The following MTHFD2L variants were observed in gnomAD, a reference collection of about 807,000 sequenced individuals.
The protein encoded by MTHFD2L is methylenetetrahydrofolate dehydrogenase (NADP+ dependent) 2 like, also known as bifunctional methylenetetrahydrofolate dehydrogenase/cyclohydrolase 2, mitochondrial.
MTHFD2L carries 29 observed loss-of-function variants against 34.9 expected under a neutral mutation model. The ratio of observed to expected loss-of-function variants is 0.83; its 90% CI spans 0.62 to 1.13. The LOEUF (loss-of-function observed/expected upper bound fraction) is 1.13, where lower values mean the gene tolerates loss of function less well. Ranked by LOEUF, MTHFD2L falls within the 50% of genes most tolerant of loss-of-function variation. The pLI, the probability that MTHFD2L is intolerant of heterozygous loss-of-function variation, is 0.00. For missense variants in MTHFD2L, 481 were observed against 446.5 expected (o/e 1.08, Z -0.70); for synonymous variants, 167 against 155.7 (o/e 1.07, Z -0.54).
intron 1 of MTHFD2L, among the ~76,000 whole-genome samples, chr4:74,140,117 A>G (rs531629773): frequency 6.6e-6 from 1 of 152,096 alleles, no homozygotes; most frequent in Admixed American, 6.6e-5. Flanking sequence ...GGAGTTTGAG[A>G]CCAGCCTGGG....
intron 1 of MTHFD2L, among the ~76,000 whole-genome samples, chr4:74,134,228 C>G (rs532944715): frequency 4.1e-4 from 63 of 152,214 alleles, no homozygotes; most frequent in African/African-American, 1.4e-3. Flanking sequence ...CCAGGACTAC[C>G]ATCCTCAGCC....
At chr4:74,176,165 A>T (rs1295755817) in intron 3 of MTHFD2L, among the ~76,000 whole-genome samples, 2 of 151,982 alleles carry the variant, frequency 1.3e-5, no homozygotes, top group Non-Finnish European at 1.5e-5. Flanking sequence ...CGTTTGTGTG[A>T]TGGATTCACC....
At chr4:74,225,065 G>A (rs747247812) in intron 5 of MTHFD2L, among the ~76,000 whole-genome samples, 5 of 152,122 alleles carry the variant, frequency 3.3e-5, no homozygotes, top group Non-Finnish European at 5.9e-5. Context: ...TAGCTCTCCT[G>A]TGATGATCGG....
intron 1 of MTHFD2L, among the ~76,000 whole-genome samples, chr4:74,138,581 C>G (rs1352392466): frequency 6.6e-6 from 1 of 152,098 alleles, no homozygotes; most frequent in Non-Finnish European, 1.5e-5. Flanking sequence ...AGCCTTTAGC[C>G]CGATCCAGAG....
At chr4:74,173,984 C>T (rs1728531064) in intron 1 of MTHFD2L, among the ~76,000 whole-genome samples, 1 of 152,128 alleles carries the variant, frequency 6.6e-6, no homozygotes. Context: ...TATACAAAAA[C>T]AAATGAATTT....
At chr4:74,194,538 C>A (rs1487228301) in intron 3 of MTHFD2L, 2 of 152,154 alleles carry the variant, frequency 1.3e-5, no homozygotes, top group African/African-American at 2.4e-5. Flanking sequence ...ATATAAGCTA[C>A]TTCACAATCA....
At chr4:74,135,866 G>A (rs1479508615) in intron 1 of MTHFD2L, among the ~76,000 whole-genome samples, 1 of 152,056 alleles carries the variant, frequency 6.6e-6, no homozygotes, top group Non-Finnish European at 1.5e-5. Flanking sequence ...AATCGAGAAT[G>A]AGAATCATAT....
chr4:74,206,277 G>C (rs990582398), intron 5 of MTHFD2L, among the ~76,000 whole-genome samples: 1 of 152,144 alleles, frequency 6.6e-6, no homozygotes, highest in Non-Finnish European at 1.5e-5. Context: ...GTAAATGTCT[G>C]TGTGTCTTGT....
intron 1 of MTHFD2L, among the ~76,000 whole-genome samples, chr4:74,130,095 T>C (rs1415706709): frequency 2.0e-5 from 3 of 152,144 alleles, no homozygotes; most frequent in African/African-American, 7.2e-5. Context: ...CAGTAATTAA[T>C]AGCCTACCAA....
At chr4:74,229,293 A>G (rs1006092501) in intron 6 of MTHFD2L, among the ~76,000 whole-genome samples, 1 of 152,204 alleles carries the variant, frequency 6.6e-6, no homozygotes, top group Non-Finnish European at 1.5e-5. Context: ...TAACCAGACA[A>G]TAGGAATAAA....
chr4:74,148,286 C>A (rs1455891972), intron 1 of MTHFD2L, among the ~76,000 whole-genome samples: 2 of 149,072 alleles, frequency 1.3e-5, no homozygotes. Flanking sequence ...CAACATTGTT[C>A]TTTTCATGAT....
At chr4:74,119,114 G>A (rs1000373855), upstream of MTHFD2L, among the ~76,000 whole-genome samples, 1 of 152,190 alleles carries the variant, frequency 6.6e-6, no homozygotes, top group Non-Finnish European at 1.5e-5. Context: ...AGCTGCATCT[G>A]GTGGCTGGCT....
chr4:74,270,473 A>G (rs1238731555), intron 6 of MTHFD2L, among the ~76,000 whole-genome samples: 1 of 152,128 alleles, frequency 6.6e-6, no homozygotes, highest in East Asian at 1.9e-4. Flanking sequence ...TTCCAGCTTC[A>G]TCCATGTCCC....
chr4:74,160,206 C>G lies in MTHFD2L; in HGVS notation c.143+1925C>G, dbSNP rs973892381. The G allele has an allele frequency of 5.0e-6, 4 of 799,344 alleles. No individual in the cohort carries two copies. The African/African-American group carries it at 7.3e-5, about 15-fold the overall frequency. 49.5% of individuals were successfully genotyped at this position (799,344 alleles called of 1,614,324 possible). Reference sequence around the variant, plus strand: ...ATGTGGTTTAAGTCTGACATCTTTTCTTTTGCCATGAAATTTACACCTTAG... The same window carrying G: ...ATGTGGTTTAAGTCTGACATCTTTTGTTTTGCCATGAAATTTACACCTTAG... On this transcript the variant is annotated intron_variant, in intron 1 of 7. Transcript: ENST00000325278.
chr4:74,172,618 CAT>C (rs769116411), intron 1 of MTHFD2L, among the ~76,000 whole-genome samples: 1 of 152,134 alleles, frequency 6.6e-6, no homozygotes, highest in Non-Finnish European at 1.5e-5. Flanking sequence ...ACAAGAATCA[CAT>C]GTAGGAAATT....
In MTHFD2L at chr4:74,301,679, G is replaced by GT. The variant is rs760854100; in HGVS notation, c.932-10dup. 277 of 1,446,600 alleles carry GT rather than the reference G, an allele frequency of 1.9e-4. No individual in the cohort carries two copies. The highest frequency in any genetic ancestry group is 2.2e-4 in the South Asian group (17 of 77,506). 89.6% of individuals were successfully genotyped at this position (1,446,600 alleles called of 1,614,324 possible). On this transcript the variant is annotated splice_polypyrimidine_tract_variant and intron_variant, in intron 7 of 7. Coordinates refer to ENST00000325278, the MANE Select transcript of MTHFD2L (RefSeq NM_001144978.3). Reference sequence around the variant, plus strand: ...ATTTTAAAATAAAGAATATCTGTTTGTTTTTTTTCCTCATCAGCTGTTAAA... The same window carrying GT: ...ATTTTAAAATAAAGAATATCTGTTTGTTTTTTTTTCCTCATCAGCTGTTAAA...
At chr4:74,290,685 G>A (rs931153473) in intron 7 of MTHFD2L, among the ~76,000 whole-genome samples, 3 of 151,748 alleles carry the variant, frequency 2.0e-5, no homozygotes, top group Non-Finnish European at 2.9e-5. Context: ...CATTGCTCAC[G>A]TTTTCTCTCC....
chr4:74,161,327 C>T (rs1725415474), intron 1 of MTHFD2L: 1 of 152,198 alleles, frequency 6.6e-6, no homozygotes, highest in Admixed American at 6.5e-5. Flanking sequence ...CCCTCTACTA[C>T]TTACTCTGTA....
intron 1 of MTHFD2L, among the ~76,000 whole-genome samples, chr4:74,125,792 C>T (rs1294082249): frequency 6.6e-6 from 1 of 151,908 alleles, no homozygotes; most frequent in East Asian, 1.9e-4. Context: ...TTTGTTTATT[C>T]TCTTTTAATT....
Sources: allele counts gnomAD v4.1 joint callset (sites outside exome capture counted in the v4.1 genomes callset), GRCh38; gene constraint gnomAD v4.1.1; transcripts MANE v1.5; gene names NCBI Gene and HGNC (gene_info 2026-07-23, HGNC 2026-07-21).